The following ZFAT variants were observed in gnomAD, a reference collection of about 807,000 sequenced individuals.
The protein encoded by ZFAT is zinc finger and AT-hook domain containing, also known as zinc finger protein ZFAT.
In ZFAT, 64 loss-of-function variants were observed where a neutral mutation model predicts 117.7. The observed-to-expected ratio is 0.54, with a 90% CI of 0.44 to 0.67. The LOEUF (loss-of-function observed/expected upper bound fraction) is 0.67, where lower values mean the gene tolerates loss of function less well. Among genes scored for constraint, ZFAT ranks in the 30% least tolerant of loss-of-function variants. The pLI, the probability that ZFAT is intolerant of heterozygous loss-of-function variation, is 0.00. For synonymous variants in ZFAT, 679 were observed against 615.0 expected, an observed-to-expected ratio of 1.10 and a Z score of -1.54; for missense variants, 1,433 against 1,584.5, an observed-to-expected ratio of 0.90 and a Z score of 1.62.
intron 13 of ZFAT, among the ~76,000 whole-genome samples, chr8:134,513,582 C>A (rs928501855): frequency 2.0e-5 from 3 of 152,166 alleles, no homozygotes; most frequent in African/African-American, 7.2e-5. Flanking sequence ...GTGGCATTCA[C>A]AGGTACCTCG....
the ZFAT span, among the ~76,000 whole-genome samples, chr8:134,790,738 G>GGCATGGTGGCTCAT: frequency 1.3e-5 from 2 of 152,170 alleles, no homozygotes; most frequent in Non-Finnish European, 2.9e-5. Context: ...CTTCAGGCCA[G>GGCATGGTGGCTCAT]GCATGGTGGC....
intron 2 of ZFAT, among the ~76,000 whole-genome samples, chr8:134,638,488 G>A (rs553162083): frequency 8.7e-5 from 13 of 150,232 alleles, no homozygotes; most frequent in African/African-American, 2.2e-4. Context: ...GGCGGATCAC[G>A]AGGTCAGGAG....
intron 2 of ZFAT, among the ~76,000 whole-genome samples, chr8:134,644,461 C>A (rs531110870): frequency 2.4e-4 from 37 of 152,180 alleles, no homozygotes; most frequent in African/African-American, 7.5e-4. Flanking sequence ...CTCATACACA[C>A]CCATATACAA....
chr8:134,672,311 A>G (rs1021998697), intron 1 of ZFAT, among the ~76,000 whole-genome samples: 20 of 152,254 alleles, frequency 1.3e-4, no homozygotes, highest in African/African-American at 4.1e-4. Context: ...ATCCTAAGCC[A>G]AAAGAACAAA....
At chr8:134,523,291 C>T (rs1410063535) in intron 12 of ZFAT, among the ~76,000 whole-genome samples, 2 of 152,210 alleles carry the variant, frequency 1.3e-5, no homozygotes, top group African/African-American at 2.4e-5. Flanking sequence ...AGACATTCTT[C>T]AGGCTCTTCC....
the ZFAT span, among the ~76,000 whole-genome samples, chr8:134,761,851 G>C: frequency 1.3e-5 from 2 of 151,806 alleles, no homozygotes; most frequent in Non-Finnish European, 2.9e-5. Context: ...TGATCTTTTG[G>C]GGAGCTCCAC....
intron 10 of ZFAT, 84 bp downstream of exon 10, chr8:134,583,746 TGG>T: frequency 2.6e-6 from 4 of 1,510,724 alleles, no homozygotes; most frequent in Non-Finnish European, 3.6e-6. Flanking sequence ...TTCCTGCCTC[TGG>T]TACAGCAAGT....
chr8:134,718,353 C>G, the ZFAT span, among the ~76,000 whole-genome samples: 12 of 151,988 alleles, frequency 7.9e-5, no homozygotes, highest in Non-Finnish European at 1.5e-4. Context: ...AAAACATTAG[C>G]TGGGTGTGGT....
chr8:134,579,956 C>CAAACAA (rs569222183), intron 10 of ZFAT, among the ~76,000 whole-genome samples: 3 of 115,048 alleles, frequency 2.6e-5, no homozygotes, highest in African/African-American at 9.6e-5. Context: ...ACACAGGGAA[C>CAAACAA]AAAAAAAAAA....
At chr8:134,747,553 A>T in the ZFAT span, among the ~76,000 whole-genome samples, 2 of 152,248 alleles carry the variant, frequency 1.3e-5, no homozygotes, top group Non-Finnish European at 2.9e-5. Flanking sequence ...GGTCCTAACA[A>T]TGTCTCTAAC....
intron 3 of ZFAT, among the ~76,000 whole-genome samples, chr8:134,622,682 C>T (rs1372649930): frequency 1.3e-5 from 2 of 152,174 alleles, no homozygotes; most frequent in Non-Finnish European, 2.9e-5. Context: ...AAGGACCACA[C>T]AATGGGCCCT....
At chr8:134,786,108 A>G in the ZFAT span, among the ~76,000 whole-genome samples, 1 of 152,324 alleles carries the variant, frequency 6.6e-6, no homozygotes, top group East Asian at 1.9e-4. Flanking sequence ...GATTGCTCTT[A>G]TATCCAAAAT....
intron 8 of ZFAT, among the ~76,000 whole-genome samples, chr8:134,589,262 G>A (rs1338723687): frequency 6.6e-6 from 1 of 152,198 alleles, no homozygotes; most frequent in Non-Finnish European, 1.5e-5. Flanking sequence ...AACATGAGAA[G>A]GACAGAGCTG....
chr8:134,579,432 C>A (rs967230393), intron 10 of ZFAT, among the ~76,000 whole-genome samples: 23 of 152,110 alleles, frequency 1.5e-4, no homozygotes, highest in African/African-American at 4.3e-4. Context: ...AAAGGGGAAA[C>A]CCCTTATAAA....
In ZFAT at chr8:134,565,362, G is replaced by C; in HGVS notation, c.2947C>G (p.Arg983Gly). The C allele has an allele frequency of 6.2e-7, 1 of 1,613,784 alleles. No individual in the cohort carries two copies. Among genetic ancestry groups the C allele is most frequent in the Middle Eastern group, 1.6e-4 (1 of 6,062 alleles). Reference sequence around the variant, plus strand: ...AAGGAGACATGCTGTTCCATGTGCCGCAGCAGCTGTGGCTTCTGGGCCGCT... The same window carrying C: ...AAGGAGACATGCTGTTCCATGTGCCCCAGCAGCTGTGGCTTCTGGGCCGCT... ...YTAAQKPQLL[R>G]HMEQHVSFKP... The change falls in exon 11 of 16, where the codon CGG (arginine) becomes GGG (glycine). Residue 983 changes from arginine to glycine, a missense_variant. Around this residue, in one of 5 missense-constraint regions of ZFAT, gnomAD observed 503 missense variants for 543.4 expected, o/e 0.93. Transcript: ENST00000377838.
At chr8:134,612,612 C>G (rs146839537) in intron 3 of ZFAT, among the ~76,000 whole-genome samples, 112 of 152,324 alleles carry the variant, frequency 7.4e-4, no homozygotes, top group African/African-American at 2.6e-3. Flanking sequence ...AATCCAGGTG[C>G]TTGGACCATT....
chr8:134,631,796 G>A (rs1027646665), intron 3 of ZFAT, among the ~76,000 whole-genome samples: 6 of 152,218 alleles, frequency 3.9e-5, no homozygotes, highest in Middle Eastern at 3.2e-3. Flanking sequence ...CTGATACTGC[G>A]CTAGAGTTGT....
intron 12 of ZFAT, among the ~76,000 whole-genome samples, chr8:134,524,949 G>A (rs917005374): frequency 3.3e-5 from 5 of 152,172 alleles, no homozygotes; most frequent in African/African-American, 4.8e-5. Flanking sequence ...TCACAACAGC[G>A]CAATGACACA....
chr8:134,797,143 G>A, the ZFAT span: 1 of 152,076 alleles, frequency 6.6e-6, no homozygotes, highest in Non-Finnish European at 1.5e-5. Flanking sequence ...TACTGACTGT[G>A]CTACTGACTA....
Sources: gnomAD v4.1 joint callset for allele counts (sites outside exome capture counted in the v4.1 genomes callset) on GRCh38, gnomAD v4.1.1 for gene constraint, gnomAD v4.1.1 regional missense constraint, MANE v1.5 for transcripts, NCBI Gene and HGNC (gene_info 2026-07-23, HGNC 2026-07-21) for gene names.